The following KANSL3 variants were observed in gnomAD, a reference collection of about 807,000 sequenced individuals.
KANSL3 encodes KAT8 regulatory NSL complex subunit 3.
A neutral mutation model predicts 89.2 loss-of-function variants in KANSL3; 16 were observed. The ratio of observed to expected loss-of-function variants is 0.18; its 90% CI spans 0.12 to 0.27. The LOEUF is 0.27. Among genes scored for constraint, KANSL3 ranks in the 10% least tolerant of loss-of-function variants. The pLI is 1.00. For synonymous variants in KANSL3, 385 were observed against 419.7 expected, an observed-to-expected ratio of 0.92 and a Z score of 1.01; for missense variants, 879 against 1,110.6, an observed-to-expected ratio of 0.79 and a Z score of 2.96.
chr2:96,602,413 A>G (rs536350117), intron 18 of KANSL3, 75 bp from the exon 19 acceptor site: 6 of 1,095,818 alleles, frequency 5.5e-6, no homozygotes, highest in African/African-American at 1.6e-5. Flanking sequence ...GGCCCACAGC[A>G]TATTATTAAA....
chr2:96,636,211 T>TA (rs1197273710), intron 2 of KANSL3, among the ~76,000 whole-genome samples: 1 of 152,202 alleles, frequency 6.6e-6, no homozygotes, highest in Non-Finnish European at 1.5e-5. Context: ...ATTAAGGACA[T>TA]GATTTGATCA....
chr2:96,627,268 G>A (rs988798349), intron 3 of KANSL3, among the ~76,000 whole-genome samples: 1 of 152,022 alleles, frequency 6.6e-6, no homozygotes, highest in African/African-American at 2.4e-5. Flanking sequence ...GGGCTGGAGT[G>A]CAGTGGCACG....
the KANSL3 span, among the ~76,000 whole-genome samples, chr2:96,581,016 G>C: frequency 6.6e-6 from 1 of 152,212 alleles, no homozygotes; most frequent in Admixed American, 6.5e-5. Flanking sequence ...TTCAACCAGC[G>C]GCTGTGCAGC....
At chr2:96,587,925 C>T in the KANSL3 span, among the ~76,000 whole-genome samples, 2 of 151,870 alleles carry the variant, frequency 1.3e-5, no homozygotes, top group African/African-American at 4.8e-5. Flanking sequence ...AGAAAGAATC[C>T]GTGAACTTGA....
At chr2:96,606,892 G>C in intron 14 of KANSL3, 1 of 751,524 alleles carries the variant, frequency 1.3e-6, no homozygotes, top group Non-Finnish European at 2.0e-6. Context: ...AGGCAGATGA[G>C]AGGCAGAGAT....
At chr2:96,592,744 C>T (rs2066303318), downstream of KANSL3, among the ~76,000 whole-genome samples, 1 of 152,200 alleles carries the variant, frequency 6.6e-6, no homozygotes, top group African/African-American at 2.4e-5. Flanking sequence ...TGGCTCACGC[C>T]TGTAATCCCA....
At position 96,608,524 on chromosome 2, in the gene KANSL3, G is replaced by A; in HGVS notation, c.1725C>T (p.Thr575=). ...TGCCTATACCTTGAGCTTGTTTGTG[G>A]GTCAGCACAGCTTCTGTCCGCTGCA... The part of the protein sequence containing the change: ...RHVQRTEAVL[T]HKQAQVPISS... The change falls in exon 14 of 21, where the codon ACC becomes ACT. Residue 575 remains threonine, a synonymous_variant. Coordinates refer to ENST00000431828, the MANE Select transcript of KANSL3 (RefSeq NM_001115016.3). 1.2e-6 allele frequency: 2 copies of A among 1,613,988 alleles called. No individual in the cohort carries two copies. Among genetic ancestry groups the A allele is most frequent in the Non-Finnish European group, 1.7e-6 (2 of 1,179,892 alleles).
At chr2:96,605,267 G>T in intron 15 of KANSL3, 53 bp downstream of exon 15, 1 of 1,484,536 alleles carries the variant, frequency 6.7e-7, no homozygotes, top group Non-Finnish European at 9.2e-7. Flanking sequence ...AAAGGGCAAT[G>T]CTGTGTACCT....
chr2:96,612,977 T>G, intron 6 of KANSL3, 43 bp from the exon 7 acceptor site: 1 of 1,308,412 alleles, frequency 7.6e-7, no homozygotes, highest in Non-Finnish European at 1.1e-6. Context: ...GAGTGAGAAG[T>G]GTCCTTTCAT....
the KANSL3 span, among the ~76,000 whole-genome samples, chr2:96,581,436 AAAG>A: frequency 6.6e-6 from 1 of 152,126 alleles, no homozygotes. Flanking sequence ...AAAAAAAAAA[AAAG>A]GTTTAGATTA....
intron 5 of KANSL3, chr2:96,615,588 G>C (rs1558721858): frequency 1.8e-6 from 2 of 1,115,680 alleles, no homozygotes; most frequent in Non-Finnish European, 1.2e-6. Flanking sequence ...GCAGTTTTCA[G>C]AGAAAGAAAA....
rs1358908339 is a variant in KANSL3 at position 96,593,954 on chromosome 2, A to C, written c.*1657T>G. ...GTCACCTACCAGCTAATGCAAAAAC[A>C]CAGCCTAATTCTGTGTGAATCCCTG... is the stretch of plus-strand genomic sequence containing the variant. On this transcript the variant is annotated 3_prime_UTR_variant, in exon 21 of 21. Transcript: ENST00000431828. 6.5e-6 allele frequency: 1 copy of C among 152,714 alleles called. No homozygotes were observed. Among genetic ancestry groups the C allele is most frequent in the African/African-American group, 2.4e-5 (1 of 41,444 alleles). 9.5% of individuals were successfully genotyped at this position (152,714 alleles called of 1,614,324 possible).
the KANSL3 span, among the ~76,000 whole-genome samples, chr2:96,586,544 C>T: frequency 2.6e-5 from 4 of 152,172 alleles, no homozygotes; most frequent in African/African-American, 9.7e-5. Context: ...TCTCTTAATT[C>T]TTAGAAATTT....
At position 96,636,933 on chromosome 2, in the gene KANSL3, T is replaced by C; in HGVS notation, c.203A>G (p.His68Arg). 5 of 1,531,894 alleles carry C rather than the reference T, an allele frequency of 3.3e-6. No homozygotes were observed. Among genetic ancestry groups the C allele is most frequent in the Non-Finnish European group, 3.5e-6 (4 of 1,135,744 alleles). The allele number at this position is 1,531,894 out of a possible 1,614,324, so 94.9% of individuals were successfully genotyped here. The change falls in exon 2 of 21, where the codon CAC becomes CGC. Residue 68 changes from histidine to arginine, a missense_variant. By Grantham distance (29) the His-to-Arg change is conservative. Around this residue, in one of 6 missense-constraint regions of KANSL3, gnomAD observed 210 missense variants for 311.9 expected, o/e 0.67. Transcript: ENST00000431828. ...AGCCCCAACTCACATGGTACTTTCG[T>C]GCTGCCGCCGGGGAGTGACAAAGAG... ...RMLFVTPRRQ[H>R]ESTIESDVPI... is the part of the protein sequence containing the mutation.
downstream of KANSL3, among the ~76,000 whole-genome samples, chr2:96,588,498 G>A (rs760131586): frequency 2.0e-5 from 3 of 152,118 alleles, no homozygotes; most frequent in Non-Finnish European, 2.9e-5. Context: ...CTCTAAATAA[G>A]AAGGAAATGG....
In KANSL3 at chr2:96,609,111, G is replaced by T. The variant is rs1223948489; in HGVS notation, c.1384-47C>A. 4 of 1,480,368 alleles carry T rather than the reference G, an allele frequency of 2.7e-6. No individual in the cohort carries two copies. The East Asian group carries it at 9.9e-5, about 37-fold the overall frequency. 91.7% of individuals were successfully genotyped at this position (1,480,368 alleles called of 1,614,324 possible). On this transcript the variant is annotated intron_variant, in intron 12 of 20. Coordinates refer to ENST00000431828, the MANE Select transcript of KANSL3 (RefSeq NM_001115016.3). ...CAAGGCCTTTTAGTCCTCATCTGGA[G>T]AATGGGAACCTCTCATATACTTTCC...
intron 20 of KANSL3, chr2:96,600,581 C>A: frequency 1.0e-6 from 1 of 985,318 alleles, no homozygotes; most frequent in East Asian, 1.1e-4. Flanking sequence ...AGCAGGTTGA[C>A]ATGGTGGAAA....
chr2:96,613,149 C>A (rs1573443381), intron 6 of KANSL3, among the ~76,000 whole-genome samples: 1 of 152,322 alleles, frequency 6.6e-6, no homozygotes, highest in East Asian at 1.9e-4. Context: ...GAGGCCAAGG[C>A]AAGTGGATCA....
intron 1 of KANSL3, 103 bp downstream of exon 1, chr2:96,638,180 T>A (rs927963409): frequency 1.5e-5 from 2 of 135,242 alleles, no homozygotes; most frequent in African/African-American, 5.5e-5. Flanking sequence ...GGCCCCCGCA[T>A]GCCCCGGGAG....
Sources: allele counts gnomAD v4.1 joint callset (sites outside exome capture counted in the v4.1 genomes callset), GRCh38; gene constraint gnomAD v4.1.1; regional missense constraint gnomAD v4.1.1; transcripts MANE v1.5; gene names NCBI Gene and HGNC (gene_info 2026-07-23, HGNC 2026-07-21).